Variants in CUX1 observed in about 807,000 individuals in gnomAD.
The protein encoded by CUX1 is protein CASP.
A neutral mutation model predicts 158.8 loss-of-function variants in CUX1; 31 were observed. The observed-to-expected ratio is 0.20, with a 90% CI of 0.15 to 0.26. CUX1 has a LOEUF of 0.26. Ranked by LOEUF, CUX1 falls within the 10% of genes least tolerant of loss-of-function variation. The pLI is 1.00. For synonymous variants in CUX1, 879 were observed against 862.1 expected, an observed-to-expected ratio of 1.02 and a Z score of -0.34; for missense variants, 1,589 against 2,014.6, an observed-to-expected ratio of 0.79 and a Z score of 4.04.
chr7:102,115,562 G>A, intron 8 of CUX1: 1 of 317,588 alleles, frequency 3.1e-6, no homozygotes, highest in Non-Finnish European at 5.7e-6. Context: ...TTTTTTGTGT[G>A]GAGTTGAGTC....
At chr7:102,227,958 T>TTC (rs1285963239) in intron 21 of CUX1, among the ~76,000 whole-genome samples, 8 of 145,574 alleles carry the variant, frequency 5.5e-5, no homozygotes, top group Non-Finnish European at 9.1e-5. Flanking sequence ...TTTCTTTTTT[T>TTC]TTTTTTTTTT....
rs1586453610 is a variant in CUX1, at chr7:102,252,665, T to G, written c.*3623T>G. The G allele has an allele frequency of 1.0e-6, 1 of 985,266 alleles. No homozygotes were observed. The highest frequency in any genetic ancestry group is 1.2e-6 in the Non-Finnish European group (1 of 829,924). 61.0% of individuals were successfully genotyped at this position (985,266 alleles called of 1,614,324 possible). A position where few individuals can be genotyped will look rare whatever the true frequency, so the allele number is the denominator to read the frequency against. ...CCCTTGTGATAGCCGAGATGGCAGG[T>G]GTGTGAGTTCTGTCCTAGACCTGTG... On this transcript the variant is annotated 3_prime_UTR_variant, in exon 24 of 24. Transcript: ENST00000292535.
chr7:102,191,372 T>A (rs1004381246), intron 12 of CUX1, among the ~76,000 whole-genome samples: 73 of 152,308 alleles, frequency 4.8e-4, no homozygotes, highest in Non-Finnish European at 2.8e-4. Context: ...TAGCTGGGAT[T>A]ACGGGCATGA....
chr7:102,278,730 TAAATA>T (rs1267989605), intron 18 of CUX1, among the ~76,000 whole-genome samples: 1 of 141,390 alleles, frequency 7.1e-6, no homozygotes, highest in Non-Finnish European at 1.6e-5. Context: ...AAAATAATAA[TAAATA>T]AAATAAAATA....
rs563820532 is a variant in CUX1, at chr7:101,834,894, G to C, written c.30+17225G>C. 2.0e-5 allele frequency among the ~76,000 whole-genome samples: 3 copies of C among 152,122 alleles called. No individual in the cohort carries two copies. The East Asian group carries it at 5.8e-4, about 29-fold the overall frequency. On this transcript the variant is annotated intron_variant, in intron 1 of 23. Transcript: ENST00000292535. Reference sequence around the variant, plus strand: ...GCTTGTAATCCCAGCTACTCAGGAGGCTGAGGCAGGAGAATCTCTTGAACC... The same window carrying C: ...GCTTGTAATCCCAGCTACTCAGGAGCCTGAGGCAGGAGAATCTCTTGAACC...
At chr7:102,135,863 T>C (rs1833848469) in intron 8 of CUX1, among the ~76,000 whole-genome samples, 1 of 151,626 alleles carries the variant, frequency 6.6e-6, no homozygotes, top group Non-Finnish European at 1.5e-5. Flanking sequence ...TAGTCCTAGC[T>C]ACTTGGGAGG....
At chr7:102,064,625 TCCTC>T (rs890109330) in intron 3 of CUX1, among the ~76,000 whole-genome samples, 1 of 152,148 alleles carries the variant, frequency 6.6e-6, no homozygotes, top group East Asian at 1.9e-4. Context: ...CACTGTCCCT[TCCTC>T]CCTCCCTCCC....
intron 23 of CUX1, 82 bp downstream of exon 23, chr7:102,239,666 G>A (rs1799963715): frequency 6.7e-7 from 1 of 1,502,258 alleles, no homozygotes; most frequent in Non-Finnish European, 8.9e-7. Flanking sequence ...GGCGCACAGG[G>A]GTGAGGCTGG....
In CUX1 at chr7:102,238,627, G is replaced by A. The variant is rs193063352; in HGVS notation, c.3623-693G>A. On this transcript the variant is annotated intron_variant, in intron 22 of 23. Transcript: ENST00000292535. ...GCTTGTGTCCTCGGTCTCTTGCCTC[G>A]GTACCTGGGTGGCTTGCCGCCCACA... Among the ~76,000 whole-genome samples, 455 of 151,884 alleles carry A rather than the reference G, an allele frequency of 3.0e-3. 3 individuals are homozygous for A. Among genetic ancestry groups the A allele is most frequent in the African/African-American group, 9.4e-3 (389 of 41,384 alleles).
chr7:102,084,307 T>C (rs1412554689), intron 4 of CUX1, among the ~76,000 whole-genome samples: 6 of 148,812 alleles, frequency 4.0e-5, no homozygotes, highest in African/African-American at 1.5e-4. Context: ...TTTTATATTA[T>C]GTAATGTTTA....
chr7:102,263,049 T>A (rs376735217), downstream of CUX1, among the ~76,000 whole-genome samples: 64 of 150,220 alleles, frequency 4.3e-4, no homozygotes, highest in East Asian at 0.012. Flanking sequence ...AGTCTTACTC[T>A]GTTGCTCAGG....
At chr7:102,051,459 C>T (rs1823487134) in intron 3 of CUX1, among the ~76,000 whole-genome samples, 2 of 151,928 alleles carry the variant, frequency 1.3e-5, no homozygotes, top group African/African-American at 4.8e-5. Flanking sequence ...ACCAGCCTGG[C>T]CAACATGTTG....
intron 8 of CUX1, among the ~76,000 whole-genome samples, chr7:102,152,158 A>G (rs1220014200): frequency 1.3e-5 from 2 of 152,150 alleles, no homozygotes; most frequent in Non-Finnish European, 2.9e-5. Flanking sequence ...CTTGGGAAGC[A>G]TTGTAAGACC....
In CUX1 at chr7:101,958,844, C is replaced by CTTTT. The variant is rs10667965; in HGVS notation, c.141+42644_141+42647dup. Reference sequence around the variant, plus strand: ...TTTTCTGTCATAAGGAGATGATGCCCTTTTTTTTTTTTTTTTTTTTTTTTT... The same window carrying CTTTT: ...TTTTCTGTCATAAGGAGATGATGCCCTTTTTTTTTTTTTTTTTTTTTTTTTTTTT... On this transcript the variant is annotated intron_variant, in intron 2 of 23. Coordinates refer to ENST00000292535, the MANE Select transcript of CUX1 (RefSeq NM_181552.4). 1.3e-3 allele frequency among the ~76,000 whole-genome samples: 87 copies of CTTTT among 65,820 alleles called. 7 individuals carry two copies. Among genetic ancestry groups the CTTTT allele is most frequent in the African/African-American group, 3.4e-3 (57 of 16,794 alleles). 43.2% of individuals were successfully genotyped at this position (65,820 alleles called of 152,430 possible). A position where few individuals can be genotyped will look rare whatever the true frequency, so the allele number is the denominator to read the frequency against.
Position 102,257,542 on chromosome 7 carries a change from C to G in CUX1, c.*8500C>G. 6.1e-6 allele frequency: 6 copies of G among 985,276 alleles called. No homozygotes were observed. The South Asian group carries it at 2.8e-4, about 46-fold the overall frequency. The allele number at this position is 985,276 out of a possible 1,614,324, so 61.0% of individuals were successfully genotyped here. ...AAAAGAAGGTGGTTTTCCCCACATCCCTTTGCATTGAATAAGAGACCTAGT... is the reference window on the plus strand; with the variant it reads ...AAAAGAAGGTGGTTTTCCCCACATCGCTTTGCATTGAATAAGAGACCTAGT... On this transcript the variant is annotated 3_prime_UTR_variant, in exon 24 of 24. Coordinates refer to ENST00000292535, the MANE Select transcript of CUX1 (RefSeq NM_181552.4).
chr7:102,132,132 A>T (rs1833311030), intron 8 of CUX1, among the ~76,000 whole-genome samples: 1 of 142,646 alleles, frequency 7.0e-6, no homozygotes, highest in South Asian at 2.2e-4. Context: ...AGCTTTGTGG[A>T]GATGGATGGG....
intron 16 of CUX1, among the ~76,000 whole-genome samples, chr7:102,199,754 A>G (rs1192215853): frequency 6.6e-6 from 1 of 152,212 alleles, no homozygotes; most frequent in African/African-American, 2.4e-5. Context: ...GTGACTCATG[A>G]GAAACATTGC....
intron 20 of CUX1, among the ~76,000 whole-genome samples, chr7:102,223,024 G>A (rs1554527568): frequency 2.0e-5 from 3 of 150,894 alleles, no homozygotes; most frequent in African/African-American, 4.9e-5. Flanking sequence ...GGCTGGTCTC[G>A]AACTCCTGAC....
chr7:102,024,237 T>A (rs563682055), intron 2 of CUX1, among the ~76,000 whole-genome samples: 4 of 152,376 alleles, frequency 2.6e-5, no homozygotes, highest in African/African-American at 9.6e-5. Context: ...TCTGCTACAG[T>A]CTGAAATCTC....
Sources: gnomAD v4.1 joint callset for allele counts (sites outside exome capture counted in the v4.1 genomes callset) on GRCh38, gnomAD v4.1.1 for gene constraint, MANE v1.5 for transcripts, NCBI Gene and HGNC (gene_info 2026-07-23, HGNC 2026-07-21) for gene names.